Variants in XRRA1 observed in about 807,000 individuals in gnomAD.
XRRA1 encodes X-ray radiation resistance-associated protein 1.
Under a neutral mutation model 80.2 loss-of-function variants are expected in XRRA1, and 69 were observed. That is an observed-to-expected ratio of 0.86 (90% CI 0.71 to 1.05). The LOEUF is 1.05. Among genes scored for constraint, XRRA1 ranks in the 50% least tolerant of loss-of-function variants. The pLI, the probability that XRRA1 is intolerant of heterozygous loss-of-function variation, is 0.00. For synonymous variants in XRRA1, 348 were observed against 389.9 expected (o/e 0.89, Z 1.27); for missense variants, 967 against 976.4 (o/e 0.99, Z 0.13).
intron 10 of XRRA1, among the ~76,000 whole-genome samples, chr11:74,905,411 T>C (rs951438458): frequency 6.6e-6 from 1 of 152,190 alleles, no homozygotes; most frequent in Non-Finnish European, 1.5e-5. Flanking sequence ...TGCTTTAGAA[T>C]GCTGGAGCTG....
chr11:74,858,591 A>C (rs1282234757), intron 12 of XRRA1, among the ~76,000 whole-genome samples: 2 of 152,178 alleles, frequency 1.3e-5, no homozygotes, highest in Non-Finnish European at 2.9e-5. Flanking sequence ...ACATTGGAAA[A>C]ACATGTTAAA....
Position 74,887,593 on chromosome 11 carries a change from C to T in XRRA1, c.1003+18646G>A, listed in dbSNP as rs141933719. Among the ~76,000 whole-genome samples, 714 of 152,280 alleles carry T rather than the reference C, an allele frequency of 4.7e-3. 7 individuals carry two copies. Among genetic ancestry groups the T allele is most frequent in the African/African-American group, 0.016 (674 of 41,544 alleles). ...AGTGGGTGCAGGACAGTGGGTGCAG[C>T]GCACCGAGTGTGAGCCAAAGCAGGG... On this transcript the variant is annotated intron_variant, in intron 10 of 18. Coordinates refer to ENST00000684022, the MANE Select transcript of XRRA1 (RefSeq NM_001378157.1).
intron 10 of XRRA1, among the ~76,000 whole-genome samples, chr11:74,889,966 C>T (rs2050206201): frequency 6.6e-6 from 1 of 152,084 alleles, no homozygotes; most frequent in South Asian, 2.1e-4. Context: ...ACTTTAACAC[C>T]CCACTGTCAA....
rs1480666861 is a variant in XRRA1 at position 74,851,217 on chromosome 11, G to A, written c.1265-14C>T. On this transcript the variant is annotated splice_polypyrimidine_tract_variant and intron_variant, in intron 13 of 18. Transcript: ENST00000684022. The stretch of plus-strand genomic sequence containing the variant: ...GTGGAGGGACCCCTGGTGCCATGAT[G>A]GGAAAATAAGATTACTATTAGCTAA... 6.3e-7 allele frequency: 1 copy of A among 1,587,624 alleles called. No homozygotes were observed.
chr11:74,945,207 G>A (rs1309018689), intron 1 of XRRA1, 122 bp from the exon 2 acceptor site: 2 of 152,214 alleles, frequency 1.3e-5, no homozygotes, highest in Admixed American at 6.6e-5. Flanking sequence ...GTCCTTGCCC[G>A]TAGGACTAAG....
In XRRA1 at chr11:74,925,307, A is replaced by C. The variant is rs1284517115; in HGVS notation, c.522+2084T>G. Among the ~76,000 whole-genome samples, 6 of 152,322 alleles carry C rather than the reference A, an allele frequency of 3.9e-5. No homozygotes were observed. In the East Asian group the frequency reaches 1.2e-3, roughly 29 times the overall value. Reference sequence around the variant, plus strand: ...TAATCCGAGAATCAAACCATGGCAAAGTTAAGTTTTTCTAAATTGACTCCT... The same window carrying C: ...TAATCCGAGAATCAAACCATGGCAACGTTAAGTTTTTCTAAATTGACTCCT... On this transcript the variant is annotated intron_variant, in intron 7 of 18. Transcript: ENST00000684022.
Position 74,843,031 on chromosome 11 carries a change from A to AG in XRRA1, c.*168dup. 2 of 895,616 alleles carry AG rather than the reference A, an allele frequency of 2.2e-6. No individual in the cohort carries two copies. The highest frequency in any genetic ancestry group is 3.3e-6 in the Non-Finnish European group (2 of 608,962). 55.5% of individuals were successfully genotyped at this position (895,616 alleles called of 1,614,324 possible). On this transcript the variant is annotated 3_prime_UTR_variant, in exon 19 of 19. Transcript: ENST00000684022. ...GCACCAGGTCATGCCTGGGCCAAGG[A>AG]GGGGAGATCCTGACAAGGGGATGCC...
At chr11:74,857,457 G>C (rs2041380485) in intron 12 of XRRA1, among the ~76,000 whole-genome samples, 2 of 151,922 alleles carry the variant, frequency 1.3e-5, no homozygotes, top group South Asian at 4.1e-4. Context: ...ATCAATAGCA[G>C]ACTTCAAAAT....
chr11:74,903,186 AAC>A (rs2053897652), intron 10 of XRRA1, among the ~76,000 whole-genome samples: 6 of 152,332 alleles, frequency 3.9e-5, no homozygotes, highest in African/African-American at 1.4e-4. Context: ...CAATTTTTAA[AAC>A]TACATATACA....
intron 4 of XRRA1, among the ~76,000 whole-genome samples, chr11:74,934,132 A>G (rs1338276368): frequency 1.3e-5 from 2 of 152,222 alleles, no homozygotes; most frequent in African/African-American, 4.8e-5. Context: ...TTATAAAGTA[A>G]GATTATCTCC....
At chr11:74,889,161 C>T (rs1358333280) in intron 10 of XRRA1, among the ~76,000 whole-genome samples, 2 of 152,132 alleles carry the variant, frequency 1.3e-5, no homozygotes, top group African/African-American at 2.4e-5. Context: ...AGAGAAAGGT[C>T]GGGTTACCCT....
At chr11:74,920,006 CA>C (rs55989441) in intron 8 of XRRA1, 64,641 of 128,062 alleles carry the variant, frequency 0.5, 14,378 homozygotes, top group Middle Eastern at 0.66. Context: ...TATAAAACTG[CA>C]AAAAAAAAAA....
chr11:74,937,544 C>G (rs1044107127), intron 3 of XRRA1, among the ~76,000 whole-genome samples: 6 of 151,126 alleles, frequency 4.0e-5, no homozygotes, highest in African/African-American at 1.2e-4. Flanking sequence ...AGACCTCTAT[C>G]AGTATACAGA....
chr11:74,906,372 G>T lies in XRRA1; in HGVS notation c.870C>A (p.Asp290Glu), dbSNP rs757439596. The T allele has an allele frequency of 5.0e-6, 8 of 1,614,008 alleles. No individual in the cohort carries two copies. In the East Asian group the frequency reaches 1.8e-4, roughly 36 times the overall value. ...QQVQLYDESV[D>E]WNGGRGSPHK... is the part of the protein sequence containing the mutation. ...GGGGACTTCCCCTGCCTCCATTCCAGTCTACTGACTCGTCATAGAGCTGAA... is the reference window on the plus strand; with the variant it reads ...GGGGACTTCCCCTGCCTCCATTCCATTCTACTGACTCGTCATAGAGCTGAA... The change falls in exon 10 of 19, where the codon GAC (aspartate) becomes GAA (glutamate). Residue 290 changes from aspartate (D) to glutamate (E), a missense_variant. Asp to Glu is a conservative substitution (Grantham distance 45, BLOSUM62 2). Transcript: ENST00000684022.
intron 10 of XRRA1, among the ~76,000 whole-genome samples, chr11:74,905,919 G>A (rs749225587): frequency 4.3e-4 from 65 of 152,274 alleles, no homozygotes; most frequent in Non-Finnish European, 7.6e-4. Flanking sequence ...GGCTCAGGTG[G>A]TCTCATGGTG....
At chr11:74,905,348 C>A (rs1190951374) in intron 10 of XRRA1, among the ~76,000 whole-genome samples, 1 of 152,166 alleles carries the variant, frequency 6.6e-6, no homozygotes, top group Non-Finnish European at 1.5e-5. Context: ...TGCCACTGTG[C>A]CCGGCCAGTT....
intron 8 of XRRA1, chr11:74,909,997 G>A (rs2055496529): frequency 6.6e-6 from 1 of 152,324 alleles, no homozygotes; most frequent in African/African-American, 2.4e-5. Flanking sequence ...AGCATCTCTG[G>A]GCCTAGATCC....
chr11:74,908,973 TG>T, intron 8 of XRRA1, among the ~76,000 whole-genome samples: 1 of 152,248 alleles, frequency 6.6e-6, no homozygotes, highest in East Asian at 1.9e-4. Flanking sequence ...GTGTGAAAGC[TG>T]AGAGACAGAA....
intron 10 of XRRA1, among the ~76,000 whole-genome samples, chr11:74,880,308 G>A (rs1436181217): frequency 6.6e-6 from 1 of 152,160 alleles, no homozygotes; most frequent in Admixed American, 6.5e-5. Context: ...GATCGGTGGT[G>A]ATATCCCCTT....
Sources: gnomAD v4.1 joint callset for allele counts (sites outside exome capture counted in the v4.1 genomes callset) on GRCh38, gnomAD v4.1.1 for gene constraint, MANE v1.5 for transcripts, NCBI Gene and HGNC (gene_info 2026-07-23, HGNC 2026-07-21) for gene names.